GOLM2: variants seen among roughly 807,000 people sequenced by gnomAD.
GOLM2 encodes the protein golgi membrane protein 2.
GOLM2 carries 26 observed loss-of-function variants against 55.9 expected under a neutral mutation model. The observed-to-expected ratio is 0.47, with a 90% CI of 0.34 to 0.65. The LOEUF (loss-of-function observed/expected upper bound fraction) is 0.65. GOLM2 is among the 30% of genes least tolerant of loss of function. GOLM2 has a pLI of 0.01. For missense variants in GOLM2, 486 were observed against 531.8 expected, an observed-to-expected ratio of 0.91 and a Z score of 0.85; for synonymous variants, 165 against 194.6, an observed-to-expected ratio of 0.85 and a Z score of 1.27.
chr15:44,399,203 G>A (rs2141211507), intron 8 of GOLM2, among the ~76,000 whole-genome samples: 1 of 151,916 alleles, frequency 6.6e-6, no homozygotes. Context: ...CCCTTATATT[G>A]ATCAGTATTA....
chr15:44,314,523 C>G (rs904880235), intron 1 of GOLM2, among the ~76,000 whole-genome samples: 10 of 146,772 alleles, frequency 6.8e-5, no homozygotes, highest in African/African-American at 2.5e-4. Context: ...CGCACCACTG[C>G]ATTCCACTCT....
At chr15:44,294,770 T>TG (rs916017038) in intron 1 of GOLM2, among the ~76,000 whole-genome samples, 39 of 139,580 alleles carry the variant, frequency 2.8e-4, no homozygotes, top group African/African-American at 9.7e-4. Context: ...CCGGGCATGG[T>TG]GGGGGGCGCC....
chr15:44,401,349 T>G (rs2079564229), intron 8 of GOLM2, among the ~76,000 whole-genome samples: 1 of 152,030 alleles, frequency 6.6e-6, no homozygotes. Flanking sequence ...ACTGTAGCCT[T>G]GGACTCCTGG....
At chr15:44,355,641 CT>C in intron 6 of GOLM2, 2 of 230,670 alleles carry the variant, frequency 8.7e-6, no homozygotes, top group Non-Finnish European at 1.8e-5. Context: ...ATTAGTTTTG[CT>C]ACAGCAACGG....
At chr15:44,402,108 G>A (rs1277664583) in intron 8 of GOLM2, among the ~76,000 whole-genome samples, 1 of 152,068 alleles carries the variant, frequency 6.6e-6, no homozygotes, top group Non-Finnish European at 1.5e-5. Context: ...GGGATTACAG[G>A]TGTGAGCCAC....
At chr15:44,347,049 A>G (rs2079130050) in intron 6 of GOLM2, among the ~76,000 whole-genome samples, 1 of 152,154 alleles carries the variant, frequency 6.6e-6, no homozygotes, top group Non-Finnish European at 1.5e-5. Context: ...ACATGAGCCC[A>G]GGAGTTCGAG....
Position 44,413,490 on chromosome 15 carries a change from A to G in GOLM2, c.*84A>G. On this transcript the variant is annotated 3_prime_UTR_variant, in exon 10 of 10. Transcript: ENST00000299957. Reference sequence around the variant, plus strand: ...GTCCTTTCTGACTTTTGTTGTAAAGACGAATTGTATCAGTTGTAAAGATAC... The same window carrying G: ...GTCCTTTCTGACTTTTGTTGTAAAGGCGAATTGTATCAGTTGTAAAGATAC... The G allele has an allele frequency of 1.0e-6, 1 of 1,004,002 alleles. No individual in the cohort carries two copies. The highest frequency in any genetic ancestry group is 1.5e-6 in the Non-Finnish European group (1 of 649,300). 62.2% of individuals were successfully genotyped at this position (1,004,002 alleles called of 1,614,324 possible). A position where few individuals can be genotyped will look rare whatever the true frequency, so the allele number is the denominator to read the frequency against.
intron 9 of GOLM2, among the ~76,000 whole-genome samples, chr15:44,410,903 CAA>C (rs35934853): frequency 2.0e-4 from 11 of 56,298 alleles, no homozygotes; most frequent in Admixed American, 6.6e-4. Flanking sequence ...GACCCTGTAT[CAA>C]AAAAAAAAAA....
intron 6 of GOLM2, among the ~76,000 whole-genome samples, chr15:44,362,690 T>G (rs2079250372): frequency 1.3e-5 from 2 of 152,100 alleles, no homozygotes; most frequent in Admixed American, 1.3e-4. Flanking sequence ...TGGAAAAAAC[T>G]ACTTTAAAGT....
At position 44,366,421 on chromosome 15, in the gene GOLM2, C is replaced by T. The variant is rs191889389; in HGVS notation, c.803-13269C>T. Among the ~76,000 whole-genome samples, 504 of 151,890 alleles carry T rather than the reference C, an allele frequency of 3.3e-3. 2 individuals carry two copies. The highest frequency in any genetic ancestry group is 0.012 in the African/African-American group (481 of 41,422). On this transcript the variant is annotated intron_variant, in intron 6 of 9. Coordinates refer to ENST00000299957, the MANE Select transcript of GOLM2 (RefSeq NM_138423.4). ...GTTTGGGAGGCTAAGGCAGGAGGAT[C>T]GCTTGAGTCCAGGAGTTTGAGACCA...
rs563868093 is a variant in GOLM2, at chr15:44,391,192, A to G, written c.1072+10216A>G. ...TCACTGTATGAAATCAAGCAAACCA[A>G]AAACTGGTTCTTTGAAAAGGCAAGT... On this transcript the variant is annotated intron_variant, in intron 8 of 9. Coordinates refer to ENST00000299957, the MANE Select transcript of GOLM2 (RefSeq NM_138423.4). Among the ~76,000 whole-genome samples, 29 of 152,254 alleles carry G rather than the reference A, an allele frequency of 1.9e-4. No homozygotes were observed. The South Asian group carries it at 4.6e-3, about 24-fold the overall frequency.
chr15:44,341,668 A>G (rs2079091340), intron 6 of GOLM2, among the ~76,000 whole-genome samples: 1 of 151,772 alleles, frequency 6.6e-6, no homozygotes, highest in African/African-American at 2.4e-5. Flanking sequence ...TAATTTTTAA[A>G]AAGTACACAA....
At chr15:44,294,938 C>T (rs186201517) in intron 1 of GOLM2, among the ~76,000 whole-genome samples, 10 of 151,658 alleles carry the variant, frequency 6.6e-5, no homozygotes, top group Admixed American at 2.6e-4. Flanking sequence ...CAGATATGCT[C>T]GTTGCTACTA....
intron 6 of GOLM2, among the ~76,000 whole-genome samples, chr15:44,363,241 T>C (rs1165509141): frequency 6.6e-6 from 1 of 151,944 alleles, no homozygotes; most frequent in Non-Finnish European, 1.5e-5. Flanking sequence ...GAAACTACCA[T>C]CAGAGTGAAC....
chr15:44,314,253 A>T, intron 1 of GOLM2, among the ~76,000 whole-genome samples: 1 of 151,402 alleles, frequency 6.6e-6, no homozygotes, highest in East Asian at 1.9e-4. Context: ...AAAAAAAGAA[A>T]AGAAAAGAAA....
intron 6 of GOLM2, among the ~76,000 whole-genome samples, chr15:44,369,061 GATATATTATATATAT>G (rs1239483267): frequency 2.1e-5 from 1 of 47,328 alleles, no homozygotes; most frequent in Non-Finnish European, 3.8e-5. Flanking sequence ...CATATAATAG[GATATATTATATATAT>G]ATATATATAT....
At chr15:44,394,270 A>G (rs992412166) in intron 8 of GOLM2, among the ~76,000 whole-genome samples, 13 of 152,238 alleles carry the variant, frequency 8.5e-5, no homozygotes, top group African/African-American at 2.9e-4. Context: ...TGGAATGTAC[A>G]GGGTTTGAGC....
At chr15:44,329,463 A>G (rs1028792481) in intron 3 of GOLM2, among the ~76,000 whole-genome samples, 1 of 152,220 alleles carries the variant, frequency 6.6e-6, no homozygotes, top group African/African-American at 2.4e-5. Flanking sequence ...AACAGTATTC[A>G]GTATTTTTCT....
intron 6 of GOLM2, among the ~76,000 whole-genome samples, chr15:44,364,324 G>C (rs1328713875): frequency 6.6e-6 from 1 of 151,844 alleles, no homozygotes; most frequent in African/African-American, 2.4e-5. Flanking sequence ...AGGAGTTTGA[G>C]ACCAGCCTGG....
Sources: gnomAD v4.1 joint callset for allele counts (sites outside exome capture counted in the v4.1 genomes callset) on GRCh38, gnomAD v4.1.1 for gene constraint, MANE v1.5 for transcripts, NCBI Gene and HGNC (gene_info 2026-07-23, HGNC 2026-07-21) for gene names.